Variants in PRKG1 observed in about 807,000 individuals in gnomAD.
PRKG1 encodes protein kinase cGMP-dependent 1.
PRKG1 carries 35 observed loss-of-function variants against 88.1 expected under a neutral mutation model. The ratio of observed to expected loss-of-function variants is 0.40; its 90% CI spans 0.30 to 0.53. The LOEUF (loss-of-function observed/expected upper bound fraction) is 0.53, where lower values mean the gene tolerates loss of function less well. Ranked by LOEUF, PRKG1 falls within the 20% of genes least tolerant of loss-of-function variation. The probability of loss-of-function intolerance (pLI) is 0.59; values close to 1 mark genes in which losing one functional copy is unlikely to be tolerated. For synonymous variants in PRKG1, 303 were observed against 292.5 expected (o/e 1.04, Z -0.37); for missense variants, 540 against 839.8 (o/e 0.64, Z 4.41).
intron 3 of PRKG1, among the ~76,000 whole-genome samples, chr10:51,548,753 A>G (rs1720342219): frequency 6.6e-6 from 1 of 152,092 alleles, no homozygotes; most frequent in Admixed American, 6.6e-5. Flanking sequence ...CCTTAGACTG[A>G]TTTTAACACA....
chr10:51,360,814 C>A (rs1438753424), intron 2 of PRKG1, among the ~76,000 whole-genome samples: 1 of 151,862 alleles, frequency 6.6e-6, no homozygotes, highest in Non-Finnish European at 1.5e-5. Flanking sequence ...TGTTTTAGAG[C>A]AGGCAACACA....
At chr10:51,111,375 T>G (rs1015184714) in intron 1 of PRKG1, among the ~76,000 whole-genome samples, 4 of 152,140 alleles carry the variant, frequency 2.6e-5, no homozygotes, top group African/African-American at 4.8e-5. Context: ...TCATGAAGAA[T>G]GGGGTATCCA....
chr10:51,677,364 T>G (rs559311530), intron 3 of PRKG1, among the ~76,000 whole-genome samples: 6 of 152,340 alleles, frequency 3.9e-5, no homozygotes, highest in Non-Finnish European at 8.8e-5. Context: ...GTTATACCTC[T>G]TAATGCATTT....
At chr10:51,737,649 C>T (rs1837313239) in intron 3 of PRKG1, among the ~76,000 whole-genome samples, 2 of 151,860 alleles carry the variant, frequency 1.3e-5, no homozygotes. Context: ...CTGGTTCCTG[C>T]CCTGATCTCA....
chr10:51,475,345 G>C lies in PRKG1; in HGVS notation c.592+7509G>C, dbSNP rs554826206. 2.0e-5 allele frequency among the ~76,000 whole-genome samples: 3 copies of C among 152,030 alleles called. No individual in the cohort carries two copies. The East Asian group carries it at 5.8e-4, about 29-fold the overall frequency. ...TAGAAATGCAAAATCTGTGGCCCCT[G>C]CTCTACTGAAAGGAAATTTTGGGGG... On this transcript the variant is annotated intron_variant, in intron 3 of 17. Coordinates refer to ENST00000373980, the MANE Select transcript of PRKG1 (RefSeq NM_006258.4).
intron 2 of PRKG1, among the ~76,000 whole-genome samples, chr10:51,194,091 G>C (rs1321285846): frequency 6.6e-6 from 1 of 151,972 alleles, no homozygotes; most frequent in Non-Finnish European, 1.5e-5. Flanking sequence ...TCTTAACTAT[G>C]TTATCACTTT....
intron 3 of PRKG1, among the ~76,000 whole-genome samples, chr10:51,551,054 A>G (rs567878916): frequency 1.3e-5 from 2 of 152,068 alleles, no homozygotes; most frequent in South Asian, 4.2e-4. Context: ...CATTTTAATA[A>G]GTGGCCCTTA....
intron 5 of PRKG1, among the ~76,000 whole-genome samples, chr10:51,939,002 A>C (rs7071586): frequency 6.6e-6 from 1 of 151,956 alleles, no homozygotes; most frequent in Non-Finnish European, 1.5e-5. Flanking sequence ...TGAATTTTAT[A>C]GTGTATGAGT....
intron 3 of PRKG1, among the ~76,000 whole-genome samples, chr10:51,524,229 T>A (rs1400631579): frequency 6.6e-6 from 1 of 152,180 alleles, no homozygotes; most frequent in Non-Finnish European, 1.5e-5. Context: ...ACATCTTTTC[T>A]TTATTATGCA....
chr10:52,154,366 C>G (rs1332970967), intron 8 of PRKG1, among the ~76,000 whole-genome samples: 2 of 152,098 alleles, frequency 1.3e-5, no homozygotes, highest in Middle Eastern at 3.2e-3. Flanking sequence ...GCTTGGATGT[C>G]TCAGCATTGT....
chr10:51,290,671 T>C (rs775577922), intron 2 of PRKG1, among the ~76,000 whole-genome samples: 1 of 152,198 alleles, frequency 6.6e-6, no homozygotes, highest in Non-Finnish European at 1.5e-5. Flanking sequence ...GTGTAATCTA[T>C]GTCTCCTTAG....
chr10:51,769,830 A>G (rs1264664485), intron 3 of PRKG1, among the ~76,000 whole-genome samples: 1 of 152,180 alleles, frequency 6.6e-6, no homozygotes, highest in Non-Finnish European at 1.5e-5. Flanking sequence ...ACACAACACT[A>G]ACAATAGCTG....
At chr10:51,870,209 T>A (rs193258560) in intron 4 of PRKG1, among the ~76,000 whole-genome samples, 155 of 152,306 alleles carry the variant, frequency 1.0e-3, no homozygotes, top group Middle Eastern at 3.4e-3. Flanking sequence ...ACATTGTGCA[T>A]TGTTAGGAAA....
chr10:51,694,748 G>C (rs943537846), intron 3 of PRKG1, among the ~76,000 whole-genome samples: 4 of 152,046 alleles, frequency 2.6e-5, no homozygotes, highest in Non-Finnish European at 5.9e-5. Context: ...AGGATGTGAG[G>C]GGTTATAAAC....
chr10:51,207,849 G>T (rs1223023863), intron 2 of PRKG1, among the ~76,000 whole-genome samples: 2 of 152,094 alleles, frequency 1.3e-5, no homozygotes, highest in African/African-American at 4.8e-5. Context: ...ATAAACCTCA[G>T]TCAGAAGTAA....
At chr10:51,955,251 G>A in intron 5 of PRKG1, among the ~76,000 whole-genome samples, 1 of 152,054 alleles carries the variant, frequency 6.6e-6, no homozygotes, top group East Asian at 1.9e-4. Flanking sequence ...TTCCACGGGA[G>A]GAAAACCAGC....
intron 2 of PRKG1, among the ~76,000 whole-genome samples, chr10:51,401,284 A>C (rs1204214529): frequency 6.6e-6 from 1 of 152,240 alleles, no homozygotes; most frequent in African/African-American, 2.4e-5. Context: ...CAATAGCCAC[A>C]TATCAGGTGC....
At chr10:51,231,917 A>C (rs1480344655) in intron 2 of PRKG1, among the ~76,000 whole-genome samples, 1 of 152,178 alleles carries the variant, frequency 6.6e-6, no homozygotes, top group Non-Finnish European at 1.5e-5. Context: ...TAACAATCTG[A>C]GGTTTTATGT....
intron 2 of PRKG1, among the ~76,000 whole-genome samples, chr10:51,287,706 G>T (rs1300563537): frequency 2.0e-5 from 3 of 152,172 alleles, no homozygotes; most frequent in African/African-American, 7.2e-5. Flanking sequence ...TTTAAATGGG[G>T]AGAAGGGGGT....
Sources: allele counts gnomAD v4.1 joint callset (sites outside exome capture counted in the v4.1 genomes callset), GRCh38; gene constraint gnomAD v4.1.1; transcripts MANE v1.5; gene names NCBI Gene and HGNC (gene_info 2026-07-23, HGNC 2026-07-21).